Variants in C8orf89 observed in about 807,000 individuals in gnomAD.
C8orf89 encodes chromosome 8 open reading frame 89.
In C8orf89, 14 loss-of-function variants were observed where a neutral mutation model predicts 15.8. That is an observed-to-expected ratio of 0.89 (90% CI 0.59 to 1.39). The LOEUF (loss-of-function observed/expected upper bound fraction) is 1.39. Ranked by LOEUF, C8orf89 falls within the 40% of genes most tolerant of loss-of-function variation. The probability of loss-of-function intolerance (pLI) is 0.00; values close to 1 mark genes in which losing one functional copy is unlikely to be tolerated. For synonymous variants in C8orf89, 55 were observed against 62.2 expected (o/e 0.88, Z 0.54); for missense variants, 181 against 184.5 (o/e 0.98, Z 0.11).
chr8:73,266,245 G>C, the C8orf89 span, among the ~76,000 whole-genome samples: 1 of 152,236 alleles, frequency 6.6e-6, no homozygotes, highest in Non-Finnish European at 1.5e-5. Context: ...TGACTGTGTA[G>C]CTGGCAGGCA....
the C8orf89 span, among the ~76,000 whole-genome samples, chr8:73,269,662 G>C: frequency 1.3e-5 from 2 of 152,150 alleles, no homozygotes; most frequent in Non-Finnish European, 2.9e-5. Flanking sequence ...CATCTATTCA[G>C]CATTCCTGCA....
upstream of C8orf89, among the ~76,000 whole-genome samples, chr8:73,264,190 TG>T (rs747677158): frequency 2.6e-5 from 4 of 151,988 alleles, no homozygotes; most frequent in Non-Finnish European, 5.9e-5. Flanking sequence ...GCAAAAAACA[TG>T]GTACTAAATA....
chr8:73,277,408 T>C, the C8orf89 span: 1 of 1,192,290 alleles, frequency 8.4e-7, no homozygotes, highest in Non-Finnish European at 1.2e-6. Context: ...CTTAGCAGCC[T>C]CCAGAACCAG....
In C8orf89 at chr8:73,259,489, G is replaced by A; in HGVS notation, c.-31C>T. 1 of 1,454,164 alleles carries A rather than the reference G, an allele frequency of 6.9e-7. No homozygotes were observed. The highest frequency in any genetic ancestry group is 9.0e-7 in the Non-Finnish European group (1 of 1,105,670). The allele number at this position is 1,454,164 out of a possible 1,614,324, so 90.1% of individuals were successfully genotyped here. On this transcript the variant is annotated 5_prime_UTR_variant, in exon 1 of 4. Transcript: ENST00000624510. Reference sequence around the variant, plus strand: ...CTTCTTTCAACAGTGCTGATGAGAGGGAGATGCTGCTGCAGAGACAGGACA... The same window carrying A: ...CTTCTTTCAACAGTGCTGATGAGAGAGAGATGCTGCTGCAGAGACAGGACA...
chr8:73,271,017 G>A, the C8orf89 span, among the ~76,000 whole-genome samples: 105,773 of 151,990 alleles, frequency 0.7, 37,255 homozygotes, highest in African/African-American at 0.8. Context: ...GCAATGGTGA[G>A]TGATATATTT....
chr8:73,275,753 C>T, the C8orf89 span, among the ~76,000 whole-genome samples: 1 of 152,026 alleles, frequency 6.6e-6, no homozygotes, highest in Non-Finnish European at 1.5e-5. Context: ...ATATATGTTG[C>T]AAATATCTCT....
chr8:73,243,259 A>T (rs1300964039), intron 3 of C8orf89, among the ~76,000 whole-genome samples: 1 of 152,214 alleles, frequency 6.6e-6, no homozygotes, highest in Non-Finnish European at 1.5e-5. Context: ...CAACAGGGCA[A>T]TTATAGTCAA....
chr8:73,263,400 A>C (rs924185987), upstream of C8orf89, among the ~76,000 whole-genome samples: 3 of 152,108 alleles, frequency 2.0e-5, 1 homozygote, highest in East Asian at 5.8e-4. Context: ...CTGTAATCCC[A>C]GCTACTCAGA....
chr8:73,251,244 C>T (rs1586163594), intron 2 of C8orf89, among the ~76,000 whole-genome samples: 1 of 152,052 alleles, frequency 6.6e-6, no homozygotes, highest in East Asian at 1.9e-4. Flanking sequence ...TGAAAAAATA[C>T]TACACTTTCA....
intron 2 of C8orf89, among the ~76,000 whole-genome samples, chr8:73,252,745 T>A (rs76168810): frequency 0.057 from 8,705 of 152,264 alleles, 357 homozygotes; most frequent in African/African-American, 0.12. Flanking sequence ...AAGTTCATTA[T>A]AATAGGAAGA....
the C8orf89 span, among the ~76,000 whole-genome samples, chr8:73,272,307 CCAT>C: frequency 6.6e-6 from 1 of 152,074 alleles, no homozygotes; most frequent in Middle Eastern, 3.4e-3. Flanking sequence ...ATTTCTATGC[CCAT>C]TTGTGAAAGG....
At chr8:73,277,788 A>C in the C8orf89 span, 1 of 735,294 alleles carries the variant, frequency 1.4e-6, no homozygotes, top group South Asian at 1.3e-5. Flanking sequence ...TCAACAGAGG[A>C]AACAGCCTGG....
chr8:73,257,047 T>C lies in C8orf89; in HGVS notation c.207A>G (p.Gln69=), dbSNP rs1324261564. The C allele has an allele frequency of 3.9e-6, 6 of 1,535,954 alleles. No homozygotes were observed. The highest frequency in any genetic ancestry group is 2.4e-5 in the East Asian group (1 of 40,908). ...MPYLPGLQSC[Q]KSVSSTPLEV... ...CTAGTGGAGTTGAACTTACACTTTT[T>C]TGGCAACTTTGCAGTCCTGGTAAAT... Residue 69 remains glutamine (Q), a synonymous_variant, in exon 2 of 4, where the codon CAA becomes CAG. Transcript: ENST00000624510.
chr8:73,277,271 A>C, the C8orf89 span: 1 of 528,732 alleles, frequency 1.9e-6, no homozygotes. Flanking sequence ...TGGGTTTCTC[A>C]CTCCTTAGGG....
At chr8:73,281,455 T>G in the C8orf89 span, among the ~76,000 whole-genome samples, 1 of 152,076 alleles carries the variant, frequency 6.6e-6, no homozygotes, top group East Asian at 1.9e-4. Flanking sequence ...GATATTTATT[T>G]ATTCATGTCA....
intron 2 of C8orf89, among the ~76,000 whole-genome samples, chr8:73,255,874 C>A (rs1477552043): frequency 6.6e-6 from 1 of 150,746 alleles, no homozygotes; most frequent in Non-Finnish European, 1.5e-5. Flanking sequence ...AAACCAAACA[C>A]CGCATATTCT....
At chr8:73,256,852 TAAAA>T (rs34481187) in intron 2 of C8orf89, 117 bp downstream of exon 2, 140 of 460,844 alleles carry the variant, frequency 3.0e-4, no homozygotes, top group Non-Finnish European at 3.7e-4. Flanking sequence ...ATCCTTTATG[TAAAA>T]AAAAAAAAAA....
the C8orf89 span, among the ~76,000 whole-genome samples, chr8:73,275,982 C>T: frequency 2.0e-5 from 3 of 152,228 alleles, no homozygotes; most frequent in African/African-American, 7.2e-5. Context: ...GCCATTATCA[C>T]ATTACCTTAA....
the C8orf89 span, among the ~76,000 whole-genome samples, chr8:73,276,800 C>G: frequency 1.6e-5 from 2 of 123,132 alleles, no homozygotes; most frequent in Non-Finnish European, 3.4e-5. Flanking sequence ...TGAGGCACAG[C>G]AGTCATTTTT....
Sources: allele counts gnomAD v4.1 joint callset (sites outside exome capture counted in the v4.1 genomes callset), GRCh38; gene constraint gnomAD v4.1.1; transcripts MANE v1.5; gene names NCBI Gene and HGNC (gene_info 2026-07-23, HGNC 2026-07-21).